The following PTPRD variants were observed in gnomAD, a reference collection of about 807,000 sequenced individuals.
PTPRD encodes receptor-type tyrosine-protein phosphatase delta.
A neutral mutation model predicts 214.5 loss-of-function variants in PTPRD; 34 were observed. The observed-to-expected ratio is 0.16, with a 90% CI of 0.12 to 0.21. The LOEUF is 0.21. PTPRD is among the 10% of genes least tolerant of loss of function. The probability of loss-of-function intolerance (pLI) is 1.00; values close to 1 mark genes in which losing one functional copy is unlikely to be tolerated. For missense variants in PTPRD, 2,545 were observed against 2,398.7 expected, an observed-to-expected ratio of 1.06 and a Z score of -1.27; for synonymous variants, 1,128 against 845.7, an observed-to-expected ratio of 1.33 and a Z score of -5.79.
chr9:9,570,581 G>A (rs2154299931), intron 8 of PTPRD, among the ~76,000 whole-genome samples: 1 of 151,562 alleles, frequency 6.6e-6, no homozygotes, highest in East Asian at 1.9e-4. Flanking sequence ...TTTTTGGAAT[G>A]GCTGGTGGAG....
At chr9:9,533,704 A>G (rs2075963657) in intron 8 of PTPRD, among the ~76,000 whole-genome samples, 5 of 151,986 alleles carry the variant, frequency 3.3e-5, no homozygotes, top group African/African-American at 4.8e-5. Context: ...CCACCTTAAT[A>G]TTAATGATGA....
intron 9 of PTPRD, among the ~76,000 whole-genome samples, chr9:9,321,851 G>A (rs1287118336): frequency 6.6e-6 from 1 of 152,148 alleles, no homozygotes; most frequent in Non-Finnish European, 1.5e-5. Flanking sequence ...CACAGCAAGA[G>A]CTAAATATAT....
chr9:9,935,598 C>T (rs1267191914), intron 5 of PTPRD, among the ~76,000 whole-genome samples: 7 of 151,518 alleles, frequency 4.6e-5, no homozygotes, highest in Non-Finnish European at 7.4e-5. Context: ...AATGGAAGAA[C>T]ATTCCATGCT....
intron 10 of PTPRD, among the ~76,000 whole-genome samples, chr9:9,166,357 A>C (rs796208309): frequency 5.9e-5 from 9 of 151,654 alleles, no homozygotes; most frequent in African/African-American, 2.2e-4. Context: ...TTTGGGAGAA[A>C]CTCCTTCCAC....
At chr9:10,481,130 T>C (rs2099094949) in intron 2 of PTPRD, among the ~76,000 whole-genome samples, 3 of 152,122 alleles carry the variant, frequency 2.0e-5, no homozygotes, top group Non-Finnish European at 2.9e-5. Context: ...GAAATATTTA[T>C]GGATGAAATA....
At chr9:9,428,685 G>T (rs1179114147) in intron 8 of PTPRD, among the ~76,000 whole-genome samples, 3 of 152,114 alleles carry the variant, frequency 2.0e-5, no homozygotes, top group African/African-American at 2.4e-5. Context: ...TAAAAGAACA[G>T]AAATTATAAC....
chr9:10,302,958 A>G (rs932010381), intron 3 of PTPRD, among the ~76,000 whole-genome samples: 1 of 152,194 alleles, frequency 6.6e-6, no homozygotes, highest in African/African-American at 2.4e-5. Context: ...CAGAATATAC[A>G]TTCTTCTCAG....
chr9:9,837,750 C>T (rs148011843), intron 5 of PTPRD, among the ~76,000 whole-genome samples: 1 of 150,746 alleles, frequency 6.6e-6, no homozygotes, highest in Non-Finnish European at 1.5e-5. Context: ...TCTGTCCTTG[C>T]TGCATTTTTT....
chr9:8,936,027 C>T (rs1265837887), intron 11 of PTPRD: 1 of 152,162 alleles, frequency 6.6e-6, no homozygotes, highest in African/African-American at 2.4e-5. Context: ...TTCCATCAAC[C>T]TCCAAAGACG....
chr9:9,713,584 G>C (rs1436908884), intron 7 of PTPRD, among the ~76,000 whole-genome samples: 2 of 152,128 alleles, frequency 1.3e-5, no homozygotes, highest in Non-Finnish European at 2.9e-5. Flanking sequence ...TTGACATTTT[G>C]AGACATTATG....
chr9:9,941,522 C>T (rs965491623), intron 4 of PTPRD, among the ~76,000 whole-genome samples: 4 of 152,086 alleles, frequency 2.6e-5, no homozygotes, highest in East Asian at 1.9e-4. Flanking sequence ...GGAGTTTCGC[C>T]GTATTGGCCA....
intron 5 of PTPRD, among the ~76,000 whole-genome samples, chr9:9,803,464 C>T (rs936087176): frequency 6.6e-6 from 1 of 151,948 alleles, no homozygotes; most frequent in African/African-American, 2.4e-5. Flanking sequence ...TCACCTCCAA[C>T]AATAGTTTTT....
At chr9:9,852,550 T>C (rs916690844) in intron 5 of PTPRD, among the ~76,000 whole-genome samples, 1 of 152,086 alleles carries the variant, frequency 6.6e-6, no homozygotes, top group Non-Finnish European at 1.5e-5. Flanking sequence ...TATATAGAAA[T>C]ATGCTCAGGT....
At chr9:8,472,829 T>C (rs2096681477) in intron 30 of PTPRD, among the ~76,000 whole-genome samples, 1 of 152,170 alleles carries the variant, frequency 6.6e-6, no homozygotes, top group African/African-American at 2.4e-5. Context: ...CTCTAGAGCA[T>C]TCTGGTGAAG....
At chr9:8,918,592 C>T (rs540252840) in intron 11 of PTPRD, among the ~76,000 whole-genome samples, 12 of 152,226 alleles carry the variant, frequency 7.9e-5, no homozygotes, top group Non-Finnish European at 1.3e-4. Context: ...TGTGTGTATG[C>T]ATGCATATAT....
At chr9:9,133,540 T>C (rs1245953888) in intron 10 of PTPRD, among the ~76,000 whole-genome samples, 3 of 152,186 alleles carry the variant, frequency 2.0e-5, no homozygotes, top group Non-Finnish European at 4.4e-5. Context: ...AAGTAATGTG[T>C]GCATGGCAAG....
chr9:9,701,430 C>T (rs538871666), intron 7 of PTPRD, among the ~76,000 whole-genome samples: 9 of 152,236 alleles, frequency 5.9e-5, no homozygotes, highest in Non-Finnish European at 1.2e-4. Context: ...AGGGGAACAA[C>T]CTAGAGATTG....
intron 2 of PTPRD, among the ~76,000 whole-genome samples, chr9:10,577,841 G>C (rs1326888737): frequency 3.3e-5 from 5 of 151,504 alleles, no homozygotes. Flanking sequence ...TTACATTATA[G>C]TAATAGTTCA....
At chr9:9,925,245 G>A (rs2083859060) in intron 5 of PTPRD, among the ~76,000 whole-genome samples, 1 of 152,106 alleles carries the variant, frequency 6.6e-6, no homozygotes, top group Admixed American at 6.6e-5. Context: ...TAAAATGTGA[G>A]AAAGTTCTTA....
Sources: allele counts gnomAD v4.1 joint callset (sites outside exome capture counted in the v4.1 genomes callset), GRCh38; gene constraint gnomAD v4.1.1; transcripts MANE v1.5; gene names NCBI Gene and HGNC (gene_info 2026-07-23, HGNC 2026-07-21).